Variants in PTTG1IP2 observed in about 807,000 individuals in gnomAD.
PTTG1IP2 encodes the protein PTTG1IP family member 2.
At chr7:90,487,630 A>G (rs1257863107) in intron 3 of PTTG1IP2, among the ~76,000 whole-genome samples, 1 of 152,226 alleles carries the variant, frequency 6.6e-6, no homozygotes, top group African/African-American at 2.4e-5. Context: ...AAATAAAAAT[A>G]AAAATATAGC....
chr7:90,498,710 T>C lies in PTTG1IP2; in HGVS notation c.*50+4280T>C, dbSNP rs914423090. Among the ~76,000 whole-genome samples the C allele has an allele frequency of 9.9e-5, 15 of 152,264 alleles. No homozygotes were observed. In the East Asian group the frequency reaches 2.9e-3, roughly 29 times the overall value. ...ATATTTTTGTGCATCTGTTCACTGC[T>C]ATTGATCTATCTGGATAATAGTTTC... On this transcript the variant is annotated intron_variant, in intron 6 of 6. Coordinates refer to ENST00000509356, the MANE Select transcript of PTTG1IP2 (RefSeq NM_001365443.2).
intron 1 of PTTG1IP2, among the ~76,000 whole-genome samples, chr7:90,470,517 T>C (rs1797671026): frequency 6.6e-6 from 1 of 152,246 alleles, no homozygotes; most frequent in Non-Finnish European, 1.5e-5. Flanking sequence ...GAAAGTGCCC[T>C]GTAAAGCCAA....
In PTTG1IP2 at chr7:90,509,405, G is replaced by C. The variant is rs551352036; in HGVS notation, c.*51-3873G>C. ...TCATTTAGAAGTAGGGAGTGAAAAA[G>C]AGTCCCTGGAAGAGACCCCAAAGTC... On this transcript the variant is annotated intron_variant, in intron 6 of 6. Coordinates refer to ENST00000509356, the MANE Select transcript of PTTG1IP2 (RefSeq NM_001365443.2). Among the ~76,000 whole-genome samples the C allele has an allele frequency of 7.9e-5, 12 of 152,246 alleles. No homozygotes were observed. In the South Asian group the frequency reaches 2.5e-3, roughly 32 times the overall value.
intron 6 of PTTG1IP2, among the ~76,000 whole-genome samples, chr7:90,509,634 A>T (rs901555711): frequency 1.3e-5 from 2 of 152,186 alleles, no homozygotes; most frequent in African/African-American, 4.8e-5. Context: ...CTAGTGAGGA[A>T]ACAGTTTACA....
chr7:90,491,893 G>A (rs1315927617), intron 4 of PTTG1IP2, among the ~76,000 whole-genome samples: 3 of 152,110 alleles, frequency 2.0e-5, no homozygotes, highest in African/African-American at 2.4e-5. Context: ...CATTTTGGGA[G>A]GCCGAAGTGG....
chr7:90,503,884 C>T (rs1311249385), intron 6 of PTTG1IP2, among the ~76,000 whole-genome samples: 2 of 152,176 alleles, frequency 1.3e-5, no homozygotes, highest in East Asian at 1.9e-4. Flanking sequence ...AAAATGGTGC[C>T]GACACATTTG....
chr7:90,476,603 C>A (rs1797750069), intron 1 of PTTG1IP2, among the ~76,000 whole-genome samples: 1 of 151,998 alleles, frequency 6.6e-6, no homozygotes, highest in Non-Finnish European at 1.5e-5. Flanking sequence ...ATATACCTTA[C>A]AAATGCTACT....
chr7:90,477,264 C>T (rs1282803597), intron 1 of PTTG1IP2, among the ~76,000 whole-genome samples: 1 of 152,154 alleles, frequency 6.6e-6, no homozygotes, highest in Non-Finnish European at 1.5e-5. Flanking sequence ...GCTAGAACCT[C>T]GTTCTTTAGG....
At chr7:90,510,057 A>G (rs1033830772) in intron 6 of PTTG1IP2, among the ~76,000 whole-genome samples, 2 of 152,168 alleles carry the variant, frequency 1.3e-5, no homozygotes, top group South Asian at 2.1e-4. Flanking sequence ...CTTTTACAAG[A>G]CAGTGGCTAC....
chr7:90,509,079 G>T (rs957428016), intron 6 of PTTG1IP2, among the ~76,000 whole-genome samples: 9 of 150,666 alleles, frequency 6.0e-5, no homozygotes, highest in African/African-American at 2.2e-4. Context: ...AGATGACATG[G>T]AAATATAGCC....
At chr7:90,484,343 G>A (rs11563868) in intron 2 of PTTG1IP2, among the ~76,000 whole-genome samples, 29,561 of 151,788 alleles carry the variant, frequency 0.19, 3,525 homozygotes, top group East Asian at 0.55. Context: ...TGCATGTTTT[G>A]ATTTTAATGA....
At chr7:90,475,717 T>C (rs985858372) in intron 1 of PTTG1IP2, among the ~76,000 whole-genome samples, 6 of 152,158 alleles carry the variant, frequency 3.9e-5, no homozygotes, top group Non-Finnish European at 1.5e-5. Flanking sequence ...TCCCAGCACT[T>C]TGGGAGGCCA....
chr7:90,497,053 C>G (rs1279004604), intron 6 of PTTG1IP2, among the ~76,000 whole-genome samples: 2 of 152,064 alleles, frequency 1.3e-5, no homozygotes, highest in Non-Finnish European at 2.9e-5. Context: ...GAAAAGATAC[C>G]TGATATGATT....
intron 4 of PTTG1IP2, 56 bp downstream of exon 4, chr7:90,489,020 A>T (rs1797909064): frequency 1.3e-5 from 2 of 151,826 alleles, no homozygotes; most frequent in Admixed American, 6.6e-5. Context: ...CATTGAAGAG[A>T]ATACTAAGCT....
intron 6 of PTTG1IP2, among the ~76,000 whole-genome samples, chr7:90,512,127 A>T (rs1798197211): frequency 6.6e-6 from 1 of 152,228 alleles, no homozygotes; most frequent in Admixed American, 6.5e-5. Context: ...TCAGAAAAAG[A>T]TAGCTCCAAG....
chr7:90,504,564 G>A (rs539823217), intron 6 of PTTG1IP2, among the ~76,000 whole-genome samples: 31 of 152,256 alleles, frequency 2.0e-4, no homozygotes, highest in African/African-American at 6.3e-4. Flanking sequence ...ATGTGGCTGT[G>A]TTTCAATAAA....
intron 6 of PTTG1IP2, among the ~76,000 whole-genome samples, chr7:90,497,739 AAAAAAG>A (rs1408547373): frequency 1.1e-4 from 16 of 143,712 alleles, no homozygotes; most frequent in South Asian, 6.4e-4. Flanking sequence ...AAAAAAAAAA[AAAAAAG>A]AAGAAGAAGA....
intron 1 of PTTG1IP2, among the ~76,000 whole-genome samples, chr7:90,478,035 T>G (rs1342588450): frequency 6.9e-6 from 1 of 144,952 alleles, no homozygotes; most frequent in East Asian, 2.0e-4. Context: ...AGGCGGAGGT[T>G]GTAGTGAGCC....
At chr7:90,494,884 C>T (rs1157150143) in intron 6 of PTTG1IP2, among the ~76,000 whole-genome samples, 2 of 152,148 alleles carry the variant, frequency 1.3e-5, no homozygotes, top group African/African-American at 4.8e-5. Flanking sequence ...GTTGCATGTG[C>T]CTGTAGTCCC....
Sources: allele counts gnomAD v4.1 joint callset (sites outside exome capture counted in the v4.1 genomes callset), GRCh38; gene constraint gnomAD v4.1.1; transcripts MANE v1.5; gene names NCBI Gene and HGNC (gene_info 2026-07-23, HGNC 2026-07-21).